Variants in PLEKHS1 observed in about 807,000 individuals in gnomAD.
The protein encoded by PLEKHS1 is pleckstrin homology domain-containing family S member 1.
PLEKHS1 carries 55 observed loss-of-function variants against 51.0 expected under a neutral mutation model. The observed-to-expected ratio is 1.08, with a 90% CI of 0.87 to 1.35. PLEKHS1 has a LOEUF of 1.35. Ranked by LOEUF, PLEKHS1 falls within the 40% of genes most tolerant of loss-of-function variation. The pLI, the probability that PLEKHS1 is intolerant of heterozygous loss-of-function variation, is 0.00. For missense variants in PLEKHS1, 398 were observed against 423.0 expected (o/e 0.94, Z 0.52); for synonymous variants, 153 against 144.8 (o/e 1.06, Z -0.41).
intron 6 of PLEKHS1, 49 bp from the exon 7 acceptor site, chr10:113,769,735 C>A: frequency 1.6e-6 from 2 of 1,215,836 alleles, no homozygotes; most frequent in Non-Finnish European, 2.4e-6. Flanking sequence ...CCGTTTCATT[C>A]CAGACAGAGA....
chr10:113,778,636 T>C (rs1441839697), intron 11 of PLEKHS1, among the ~76,000 whole-genome samples: 1 of 129,538 alleles, frequency 7.7e-6, no homozygotes, highest in Non-Finnish European at 1.7e-5. Context: ...ACACATTCGT[T>C]CACTTTCTTT....
chr10:113,763,362 G>T (rs911390735), intron 2 of PLEKHS1, among the ~76,000 whole-genome samples: 1 of 152,086 alleles, frequency 6.6e-6, no homozygotes, highest in Admixed American at 6.5e-5. Context: ...AGGCAGCATA[G>T]AGTTGAGTCT....
At chr10:113,768,069 G>A (rs540388660) in intron 5 of PLEKHS1, among the ~76,000 whole-genome samples, 3 of 152,230 alleles carry the variant, frequency 2.0e-5, no homozygotes, top group Admixed American at 6.5e-5. Flanking sequence ...GTATTTTTGC[G>A]GGGAGGGTAC....
rs574533758 is a variant in PLEKHS1 at position 113,767,565 on chromosome 10, T to C, written c.359+86T>C. On this transcript the variant is annotated intron_variant, in intron 5 of 11. Transcript: ENST00000361048. ...ACAAAACATTTTATACCAATAAACA[T>C]GTTCTGAACCCACGCTACAAACCTC... The C allele has an allele frequency of 4.4e-5, 57 of 1,293,988 alleles. No homozygotes were observed. The African/African-American group carries it at 6.8e-4, about 16-fold the overall frequency. The allele number at this position is 1,293,988 out of a possible 1,614,324, so 80.2% of individuals were successfully genotyped here.
chr10:113,777,673 T>C, intron 11 of PLEKHS1: 1 of 1,526,006 alleles, frequency 6.6e-7, no homozygotes, highest in Non-Finnish European at 8.9e-7. Flanking sequence ...CAAAGGTGAC[T>C]GGCACATATT....
chr10:113,777,856 G>A (rs1844744798), intron 11 of PLEKHS1: 1 of 1,197,926 alleles, frequency 8.3e-7, no homozygotes, highest in Non-Finnish European at 1.1e-6. Flanking sequence ...TGGGCACGGT[G>A]GCTTACACCT....
intron 9 of PLEKHS1, 53 bp from the exon 10 acceptor site, chr10:113,774,773 C>G: frequency 6.6e-7 from 1 of 1,514,820 alleles, no homozygotes; most frequent in Non-Finnish European, 9.2e-7. Context: ...CACAGGGGAA[C>G]ACTGTAAAAA....
intron 11 of PLEKHS1, among the ~76,000 whole-genome samples, chr10:113,779,790 C>G (rs1008619254): frequency 6.6e-6 from 1 of 152,152 alleles, no homozygotes; most frequent in Non-Finnish European, 1.5e-5. Flanking sequence ...GGAGTCATTG[C>G]ATTTCTCTTG....
At position 113,754,783 on chromosome 10, in the gene PLEKHS1, G is replaced by A. The variant is rs551373380; in HGVS notation, c.-19-476G>A. Among the ~76,000 whole-genome samples the A allele has an allele frequency of 5.3e-5, 8 of 152,204 alleles. No homozygotes were observed. The East Asian group carries it at 7.7e-4, about 15-fold the overall frequency. ...ACAGGCATGAGCCACCGTGCCTGGC[G>A]GTCCTTGTTCTTAAGTTTCCCCTGG... On this transcript the variant is annotated intron_variant, in intron 1 of 11. Coordinates refer to ENST00000361048, the Ensembl canonical transcript of PLEKHS1.
At chr10:113,766,960 G>A (rs1844192216) in intron 4 of PLEKHS1, among the ~76,000 whole-genome samples, 1 of 152,168 alleles carries the variant, frequency 6.6e-6, no homozygotes, top group South Asian at 2.1e-4. Context: ...TTCAGTTAAG[G>A]AGTTTGATTC....
intron 11 of PLEKHS1, among the ~76,000 whole-genome samples, chr10:113,778,643 CTT>C (rs55821501): frequency 7.1e-5 from 9 of 127,104 alleles, no homozygotes; most frequent in African/African-American, 2.0e-4. Context: ...CGTTCACTTT[CTT>C]TTTTTTTTTT....
exon 12 of PLEKHS1, chr10:113,781,741 TCCTTCCCCAACAC>T (rs1844876887): frequency 1.2e-5 from 1 of 83,616 alleles, no homozygotes; most frequent in Non-Finnish European, 2.5e-5. Context: ...CCCCAACACC[TCCTTCCCCAACAC>T]CTCCTTCCCA....
chr10:113,773,647 G>A (rs1844519484), intron 8 of PLEKHS1, among the ~76,000 whole-genome samples: 1 of 152,150 alleles, frequency 6.6e-6, no homozygotes, highest in African/African-American at 2.4e-5. Flanking sequence ...GGGAAGACTG[G>A]CTTGACTGGA....
At position 113,766,719 on chromosome 10, in the gene PLEKHS1, G is replaced by A; in HGVS notation, c.224+1G>A. On this transcript the variant is annotated splice_donor_variant, in intron 4 of 11. Transcript: ENST00000361048. LOFTEE classifies it high-confidence loss of function. ...ACCGAGGTTCCATTGAAATTGATCAGTGTGTATCCAAGCAGGAAAACTTTT... is the reference window on the plus strand; with the variant it reads ...ACCGAGGTTCCATTGAAATTGATCAATGTGTATCCAAGCAGGAAAACTTTT... 3 of 1,586,304 alleles carry A rather than the reference G, an allele frequency of 1.9e-6. No individual in the cohort carries two copies. Among genetic ancestry groups the A allele is most frequent in the Non-Finnish European group, 2.6e-6 (3 of 1,168,800 alleles).
intron 11 of PLEKHS1, chr10:113,777,535 C>T: frequency 6.4e-7 from 1 of 1,553,580 alleles, no homozygotes; most frequent in Non-Finnish European, 8.7e-7. Flanking sequence ...TGGAATCAGA[C>T]TGGTGCAGGG....
intron 2 of PLEKHS1, among the ~76,000 whole-genome samples, chr10:113,763,258 GCTTT>G (rs369909289): frequency 3.3e-5 from 5 of 152,074 alleles, no homozygotes; most frequent in African/African-American, 9.7e-5. Context: ...AGGCACTCCA[GCTTT>G]CTTTGACTAG....
rs532477825 is a variant in PLEKHS1, at chr10:113,772,124, T to A, written c.672+35T>A. 1.4e-5 allele frequency: 23 copies of A among 1,606,392 alleles called. No homozygotes were observed. The African/African-American group carries it at 2.9e-4, about 21-fold the overall frequency. On this transcript the variant is annotated intron_variant, in intron 8 of 11. Transcript: ENST00000361048. Reference sequence around the variant, plus strand: ...TCTTGTCCATTCATCATTTGTTTCTTTAACAAATATTTACTGAAACCCTGC... The same window carrying A: ...TCTTGTCCATTCATCATTTGTTTCTATAACAAATATTTACTGAAACCCTGC...
chr10:113,767,931 T>A (rs1375875682), intron 5 of PLEKHS1, among the ~76,000 whole-genome samples: 1 of 152,196 alleles, frequency 6.6e-6, no homozygotes, highest in Non-Finnish European at 1.5e-5. Context: ...ATCAGTAATA[T>A]TGGATTTGGA....
exon 12 of PLEKHS1, chr10:113,781,488 A>C: frequency 9.4e-6 from 1 of 105,982 alleles, no homozygotes; most frequent in Admixed American, 1.1e-4. Context: ...CTCCTTCCCC[A>C]ACACCTCCTT....
Sources: gnomAD v4.1 joint callset for allele counts (sites outside exome capture counted in the v4.1 genomes callset) on GRCh38, gnomAD v4.1.1 for gene constraint, MANE v1.5 for transcripts, NCBI Gene and HGNC (gene_info 2026-07-23, HGNC 2026-07-21) for gene names.